IL11RA: variants seen among roughly 807,000 people sequenced by gnomAD.
IL11RA encodes interleukin-11 receptor subunit alpha.
Under a neutral mutation model 57.0 loss-of-function variants are expected in IL11RA, and 51 were observed. The observed-to-expected ratio is 0.89, with a 90% CI of 0.71 to 1.13. The LOEUF is 1.13. IL11RA is among the 50% of genes most tolerant of loss of function. The pLI, the probability that IL11RA is intolerant of heterozygous loss-of-function variation, is 0.00. For synonymous variants in IL11RA, 199 were observed against 217.5 expected (o/e 0.91, Z 0.75); for missense variants, 498 against 539.4 (o/e 0.92, Z 0.76).
At position 34,659,211 on chromosome 9, in the gene IL11RA, C is replaced by G. The variant is rs541213277; in HGVS notation, c.810+528C>G. Among the ~76,000 whole-genome samples the G allele has an allele frequency of 1.6e-3, 248 of 152,294 alleles. 1 individual carries two copies. Among genetic ancestry groups the G allele is most frequent in the African/African-American group, 5.6e-3 (232 of 41,572 alleles). On this transcript the variant is annotated intron_variant, in intron 8 of 12. Coordinates refer to ENST00000441545, the MANE Select transcript of IL11RA (RefSeq NM_001142784.3). ...GTGCTGGGATTACAGGTGTGAGCCACGGCGCCCGGCCTAAAAATAACTCTT... is the reference window on the plus strand; with the variant it reads ...GTGCTGGGATTACAGGTGTGAGCCAGGGCGCCCGGCCTAAAAATAACTCTT...
At position 34,658,931 on chromosome 9, in the gene IL11RA, C is replaced by CT. The variant is rs35968627; in HGVS notation, c.810+259dup. ...ATAGCAATGGCTTTTAAAAAAATAA[C>CT]TTTTTTTTTTTGAGAGGGAGTCTCG... On this transcript the variant is annotated intron_variant, in intron 8 of 12. Coordinates refer to ENST00000441545, the MANE Select transcript of IL11RA (RefSeq NM_001142784.3). This position sits in a 1 kb window ranked among gnomAD's most constrained non-coding sequence, Gnocchi z 4.0. Among the ~76,000 whole-genome samples the CT allele has an allele frequency of 4.2e-4, 62 of 148,538 alleles. No individual in the cohort carries two copies. Among genetic ancestry groups the CT allele is most frequent in the Middle Eastern group, 3.5e-3 (1 of 288 alleles).
At chr9:34,652,852 A>G (rs1821277520) in intron 1 of IL11RA, among the ~76,000 whole-genome samples, 1 of 152,140 alleles carries the variant, frequency 6.6e-6, no homozygotes, top group Admixed American at 6.5e-5. Context: ...AAGAATCCCC[A>G]GCATCAGGTC....
At chr9:34,655,066 C>T in intron 1 of IL11RA, 152 bp from the exon 2 acceptor site, 1 of 684,462 alleles carries the variant, frequency 1.5e-6, no homozygotes, top group South Asian at 1.6e-5. Context: ...GAAAGGGGAC[C>T]TCAGGTCAGT....
intron 12 of IL11RA, among the ~76,000 whole-genome samples, 194 bp from the exon 13 acceptor site, chr9:34,661,288 C>T (rs1360036671): frequency 5.3e-5 from 8 of 152,062 alleles, no homozygotes; most frequent in African/African-American, 1.7e-4. Flanking sequence ...CTCCTTCATT[C>T]TTAATGTGCC....
chr9:34,661,760 AG>A lies in IL11RA; in HGVS notation c.*265del. 1 of 674,230 alleles carries A rather than the reference AG, an allele frequency of 1.5e-6. No individual in the cohort carries two copies. The highest frequency in any genetic ancestry group is 2.1e-5 in the South Asian group (1 of 48,008). 41.8% of individuals were successfully genotyped at this position (674,230 alleles called of 1,614,324 possible). ...ATGTGTGACCATGTGTCTGTGAGGC[AG>A]GGAACATGTATTCTCTGCATGCATG... On this transcript the variant is annotated 3_prime_UTR_variant, in exon 13 of 13. Coordinates refer to ENST00000441545, the MANE Select transcript of IL11RA (RefSeq NM_001142784.3).
chr9:34,657,515 C>T lies in IL11RA; in HGVS notation c.574C>T (p.Arg192Trp), dbSNP rs754675321. Residue 192 changes from arginine to tryptophan, a missense_variant, in exon 7 of 13, where the codon CGG becomes TGG. By Grantham distance (101) the Arg-to-Trp change is moderately radical (BLOSUM62 -3). Coordinates refer to ENST00000441545, the MANE Select transcript of IL11RA (RefSeq NM_001142784.3). ...VHGAEFWSQY[R>W]INVTEVNPLG... ...CGGGGCTGAGTTCTGGAGCCAGTAC[C>T]GGATTAATGTGACTGAGGTGAACCC... The T allele has an allele frequency of 1.7e-5, 28 of 1,614,074 alleles. No homozygotes were observed. Among genetic ancestry groups the T allele is most frequent in the East Asian group, 1.3e-4 (6 of 44,898 alleles).
rs387906784 is a variant in IL11RA at position 34,659,834 on chromosome 9, C to G, written c.886C>G (p.Arg296Gly). 6.2e-7 allele frequency: 1 copy of G among 1,614,014 alleles called. No individual in the cohort carries two copies. Among genetic ancestry groups the G allele is most frequent in the South Asian group, 1.1e-5 (1 of 91,090 alleles). The stretch of plus-strand genomic sequence containing the variant: ...GCCCCATGCTGTACGAGTCAGTGCC[C>G]GGGACTTTCTAGATGCTGGCACCTG... Reference protein sequence around the residue: ...GLPHAVRVSARDFLDAGTWST... With the variant: ...GLPHAVRVSAGDFLDAGTWST... Residue 296 changes from arginine (R) to glycine (G), a missense_variant, in exon 9 of 13, where the codon CGG (arginine) becomes GGG (glycine). By Grantham distance (125) the Arg-to-Gly change is moderately radical (BLOSUM62 -2). Transcript: ENST00000441545.
At position 34,661,474 on chromosome 9, in the gene IL11RA, T is replaced by G. The variant is rs192641921; in HGVS notation, c.1253-8T>G. ...TGTCTCTCCTGATTTGCCTCCTGCT[T>G]CTTCTAGGAGCTCCAAACCTGTAGA... On this transcript the variant is annotated splice_polypyrimidine_tract_variant and splice_region_variant and intron_variant, in intron 12 of 12. Coordinates refer to ENST00000441545, the MANE Select transcript of IL11RA (RefSeq NM_001142784.3). 2.7e-5 allele frequency: 44 copies of G among 1,613,546 alleles called. No individual in the cohort carries two copies. The highest frequency in any genetic ancestry group is 2.2e-4 in the Admixed American group (13 of 60,004).
intron 1 of IL11RA, among the ~76,000 whole-genome samples, chr9:34,652,947 T>C (rs746367678): frequency 3.3e-5 from 5 of 152,220 alleles, no homozygotes; most frequent in Non-Finnish European, 1.5e-5. Context: ...TTACTAGAGA[T>C]ACCTCTGTGT....
chr9:34,654,402 G>A (rs962447545), intron 1 of IL11RA, among the ~76,000 whole-genome samples: 1 of 151,938 alleles, frequency 6.6e-6, no homozygotes, highest in East Asian at 1.9e-4. Context: ...GTCCCTGCAG[G>A]CTCCCAGTTC....
rs769179462 is a variant in IL11RA at position 34,658,483 on chromosome 9, C to T, written c.647-37C>T. On this transcript the variant is annotated intron_variant, in intron 7 of 12. Coordinates refer to ENST00000441545, the MANE Select transcript of IL11RA (RefSeq NM_001142784.3). This position sits in a 1 kb window ranked among gnomAD's most constrained non-coding sequence, Gnocchi z 4.0. ...AAGTGGTGGGGAAGTGATGGAGACC[C>T]ATAGCCTACCCTGACTTTGTGTCTT... is the stretch of plus-strand genomic sequence containing the variant. 6.2e-7 allele frequency: 1 copy of T among 1,611,240 alleles called. No homozygotes were observed. The highest frequency in any genetic ancestry group is 8.5e-7 in the Non-Finnish European group (1 of 1,177,404).
rs1475291039 is a variant in IL11RA at position 34,653,519 on chromosome 9, A to C, written c.-1+1286A>C. ...AAGCACAGCCAGCTGTACCCTAAGG[A>C]AACATTTGGTGAGGAGTGAAAAGAG... On this transcript the variant is annotated intron_variant, in intron 1 of 12. Coordinates refer to ENST00000441545, the MANE Select transcript of IL11RA (RefSeq NM_001142784.3). This position sits in a 1 kb window ranked among gnomAD's most constrained non-coding sequence, Gnocchi z 4.5. Among the ~76,000 whole-genome samples the C allele has an allele frequency of 2.0e-5, 3 of 152,136 alleles. No individual in the cohort carries two copies. The highest frequency in any genetic ancestry group is 4.4e-5 in the Non-Finnish European group (3 of 68,018).
At position 34,660,307 on chromosome 9, in the gene IL11RA, A is replaced by G; in HGVS notation, c.986A>G (p.Gln329Arg). 1 of 1,614,240 alleles carries G rather than the reference A, an allele frequency of 6.2e-7. No individual in the cohort carries two copies. The highest frequency in any genetic ancestry group is 8.5e-7 in the Non-Finnish European group (1 of 1,180,034). The stretch of plus-strand genomic sequence containing the variant: ...CCAAAGGAGATACCAGCATGGGGCC[A>G]GCTACACACGCAGCCAGAGGTGGAG... ...TIPKEIPAWGQLHTQPEVEPQ... is the reference protein window; with the variant it reads ...TIPKEIPAWGRLHTQPEVEPQ... Residue 329 changes from glutamine to arginine, a missense_variant, in exon 10 of 13, where the codon CAG (glutamine) becomes CGG (arginine). Gln to Arg is a conservative substitution (Grantham distance 43). Transcript: ENST00000441545.
intron 9 of IL11RA, 110 bp downstream of exon 9, chr9:34,660,010 G>A (rs1022439927): frequency 3.6e-6 from 5 of 1,393,260 alleles, no homozygotes; most frequent in South Asian, 2.4e-5. Flanking sequence ...ACACAGGCAC[G>A]GCAATTGCTG....
Position 34,658,074 on chromosome 9 carries a change from G to T in IL11RA, c.647-446G>T, listed in dbSNP as rs1178320071. On this transcript the variant is annotated intron_variant, in intron 7 of 12. Transcript: ENST00000441545. The surrounding 1 kb of genome is among the most constrained non-coding windows in gnomAD (Gnocchi z 4.0). Reference sequence around the variant, plus strand: ...TTTTGTTGAGATAGGGTCTCACTTTGTGCCCAGGCTGGATGAAGTTCAGTG... The same window carrying T: ...TTTTGTTGAGATAGGGTCTCACTTTTTGCCCAGGCTGGATGAAGTTCAGTG... Among the ~76,000 whole-genome samples, 1 of 151,920 alleles carries T rather than the reference G, an allele frequency of 6.6e-6. No homozygotes were observed. The highest frequency in any genetic ancestry group is 2.4e-5 in the African/African-American group (1 of 41,326).
rs559885315 is a variant in IL11RA at position 34,653,736 on chromosome 9, T to G, written c.1-1482T>G. On this transcript the variant is annotated intron_variant, in intron 1 of 12. Transcript: ENST00000441545. The surrounding 1 kb of genome is among the most constrained non-coding windows in gnomAD (Gnocchi z 4.5). The stretch of plus-strand genomic sequence containing the variant: ...CTTTCCCTCTTGCTGGCCTTGGCTG[T>G]GTCTGTGGCTTCCTTTCCAGACTTG... 86 of 152,508 alleles carry G rather than the reference T, an allele frequency of 5.6e-4. No individual in the cohort carries two copies. The highest frequency in any genetic ancestry group is 2.0e-3 in the African/African-American group (82 of 41,536). 9.4% of individuals were successfully genotyped at this position (152,508 alleles called of 1,614,324 possible). A position where few individuals can be genotyped will look rare whatever the true frequency, so the allele number is the denominator to read the frequency against.
chr9:34,656,625 A>G, intron 3 of IL11RA, 114 bp from the exon 4 acceptor site: 1 of 1,215,254 alleles, frequency 8.2e-7, no homozygotes, highest in East Asian at 2.4e-5. Context: ...AAGCCAGTAA[A>G]AGGAATTTGG....
intron 12 of IL11RA, among the ~76,000 whole-genome samples, chr9:34,661,261 G>C (rs1406102332): frequency 6.6e-6 from 1 of 151,722 alleles, no homozygotes; most frequent in Non-Finnish European, 1.5e-5. Context: ...AGGTGTCTTG[G>C]ATCAGTGCTA....
At chr9:34,656,022 A>G in intron 3 of IL11RA, 1 of 342,346 alleles carries the variant, frequency 2.9e-6, no homozygotes, top group South Asian at 2.6e-5. Flanking sequence ...GAAGAGGACA[A>G]CTGAGTGGTT....
Sources: allele counts gnomAD v4.1 joint callset (sites outside exome capture counted in the v4.1 genomes callset), GRCh38; gene constraint gnomAD v4.1.1; non-coding constraint Gnocchi (gnomAD v3.1); transcripts MANE v1.5; gene names NCBI Gene and HGNC (gene_info 2026-07-23, HGNC 2026-07-21).